The following CDH1 variants were observed in gnomAD, a reference collection of about 807,000 sequenced individuals.
The protein encoded by CDH1 is cadherin 1.
A neutral mutation model predicts 84.5 loss-of-function variants in CDH1; 35 were observed. That is an observed-to-expected ratio of 0.41 (90% CI 0.32 to 0.55). CDH1 has a LOEUF of 0.55. CDH1 is among the 20% of genes least tolerant of loss of function. The pLI, the probability that CDH1 is intolerant of heterozygous loss-of-function variation, is 0.19. For synonymous variants in CDH1, 417 were observed against 439.0 expected, an observed-to-expected ratio of 0.95 and a Z score of 0.63; for missense variants, 994 against 1,126.6, an observed-to-expected ratio of 0.88 and a Z score of 1.68.
chr16:68,751,660 G>A (rs1192165657), intron 2 of CDH1, among the ~76,000 whole-genome samples: 1 of 151,744 alleles, frequency 6.6e-6, no homozygotes, highest in African/African-American at 2.4e-5. Flanking sequence ...GGGCCACCAC[G>A]CCTGGCTAAT....
intron 2 of CDH1, among the ~76,000 whole-genome samples, chr16:68,754,288 G>A (rs902993229): frequency 1.3e-4 from 20 of 151,902 alleles, no homozygotes; most frequent in Non-Finnish European, 1.9e-4. Context: ...GCATGAGCTG[G>A]CAGACCCAGC....
rs1596978752 is a variant in CDH1 at position 68,835,267 on chromosome 16, T to C, written c.*1768T>C. On this transcript the variant is annotated 3_prime_UTR_variant, in exon 16 of 16. Coordinates refer to ENST00000261769, the MANE Select transcript of CDH1 (RefSeq NM_004360.5). ...ACTTTTGACAATCAAAGAAAAGACT[T>C]TTGTTGAAATAGCTTTACTGTTTCT... 2 of 228,414 alleles carry C rather than the reference T, an allele frequency of 8.8e-6. No homozygotes were observed. Among genetic ancestry groups the C allele is most frequent in the East Asian group, 1.2e-4 (2 of 16,022 alleles). 14.1% of individuals were successfully genotyped at this position (228,414 alleles called of 1,614,324 possible).
intron 3 of CDH1, among the ~76,000 whole-genome samples, chr16:68,805,297 G>A (rs1960627499): frequency 6.6e-6 from 1 of 151,958 alleles, no homozygotes; most frequent in South Asian, 2.1e-4. Context: ...TGGGATTATA[G>A]GCGTGAGCCA....
chr16:68,755,983 C>G (rs532202177), intron 2 of CDH1, among the ~76,000 whole-genome samples: 1 of 151,910 alleles, frequency 6.6e-6, no homozygotes, highest in African/African-American at 2.4e-5. Flanking sequence ...AGGCTGGTCT[C>G]CAACTCCTGA....
intron 13 of CDH1, among the ~76,000 whole-genome samples, chr16:68,827,441 A>AT (rs35191298): frequency 3.3e-4 from 49 of 148,630 alleles, no homozygotes; most frequent in South Asian, 1.3e-3. Flanking sequence ...TGCTTTAGAG[A>AT]TTTTTTTTTT....
chr16:68,796,137 CG>C (rs1960354909), intron 2 of CDH1, among the ~76,000 whole-genome samples: 1 of 151,572 alleles, frequency 6.6e-6, no homozygotes, highest in African/African-American at 2.4e-5. Context: ...CACTCCAGCC[CG>C]GGTGACAGTG....
At chr16:68,817,780 A>G (rs756306299) in intron 10 of CDH1, among the ~76,000 whole-genome samples, 3 of 152,228 alleles carry the variant, frequency 2.0e-5, no homozygotes, top group African/African-American at 7.2e-5. Context: ...TGTCAGTGAC[A>G]GAAAAGAAAG....
intron 2 of CDH1, among the ~76,000 whole-genome samples, chr16:68,783,792 T>C (rs1370441700): frequency 6.6e-6 from 1 of 152,130 alleles, no homozygotes; most frequent in African/African-American, 2.4e-5. Context: ...TTCTCAAGCC[T>C]CAGCCTCCCT....
chr16:68,758,883 C>T (rs1351503100), intron 2 of CDH1, among the ~76,000 whole-genome samples: 1 of 151,738 alleles, frequency 6.6e-6, no homozygotes, highest in Non-Finnish European at 1.5e-5. Context: ...GCAACTTCCG[C>T]CTCCCGGGTT....
chr16:68,786,534 C>CTTTTTTTTTTTTTTTTTTTTT lies in CDH1; in HGVS notation c.164-15117_164-15116insTTTTTTTTTTTTTTTTTTTTT, dbSNP rs3074434. On this transcript the variant is annotated intron_variant, in intron 2 of 15. Coordinates refer to ENST00000261769, the MANE Select transcript of CDH1 (RefSeq NM_004360.5). ...CTTTCTGCTTTCTTTTTTTTTTTTT[C>CTTTTTTTTTTTTTTTTTTTTT]TTTTTTTTTTTTTTTTTTTGGTATT... 2.0e-3 allele frequency among the ~76,000 whole-genome samples: 150 copies of CTTTTTTTTTTTTTTTTTTTTT among 73,938 alleles called. 2 individuals carry two copies. The highest frequency in any genetic ancestry group is 2.4e-3 in the African/African-American group (41 of 16,952). The allele number at this position is 73,938 out of a possible 152,430, so 48.5% of individuals were successfully genotyped here. A position where few individuals can be genotyped will look rare whatever the true frequency, so the allele number is the denominator to read the frequency against.
chr16:68,828,077 C>T (rs1961367489), intron 13 of CDH1, 97 bp from the exon 14 acceptor site: 6 of 1,397,404 alleles, frequency 4.3e-6, no homozygotes, highest in Non-Finnish European at 6.1e-6. Context: ...TCTAACTGCC[C>T]CCTGTCTGGT....
chr16:68,794,339 C>T (rs980366514), intron 2 of CDH1, among the ~76,000 whole-genome samples: 26 of 152,150 alleles, frequency 1.7e-4, no homozygotes, highest in Admixed American at 1.6e-3. Context: ...CATACCTGGC[C>T]GTGTCCATTA....
At chr16:68,797,012 A>C (rs1960380310) in intron 2 of CDH1, among the ~76,000 whole-genome samples, 1 of 152,122 alleles carries the variant, frequency 6.6e-6, no homozygotes, top group African/African-American at 2.4e-5. Flanking sequence ...TGAAATACAA[A>C]AAATACAAAA....
At chr16:68,783,843 A>T (rs1211356126) in intron 2 of CDH1, among the ~76,000 whole-genome samples, 3 of 151,870 alleles carry the variant, frequency 2.0e-5, no homozygotes, top group African/African-American at 7.3e-5. Flanking sequence ...CGCCTGGCTA[A>T]TTTTTGTATT....
At chr16:68,822,873 T>C (rs573491596) in intron 12 of CDH1, 2 of 220,924 alleles carry the variant, frequency 9.1e-6, no homozygotes, top group South Asian at 1.5e-4. Context: ...CTGGGTGCGA[T>C]GGAAGTCACT....
At chr16:68,748,861 C>T (rs569284918) in intron 2 of CDH1, among the ~76,000 whole-genome samples, 2 of 152,168 alleles carry the variant, frequency 1.3e-5, no homozygotes, top group East Asian at 1.9e-4. Context: ...TGTTTTGAGA[C>T]GGAGTCTCGC....
chr16:68,813,584 C>A, intron 9 of CDH1, 89 bp downstream of exon 9: 1 of 1,351,138 alleles, frequency 7.4e-7, no homozygotes, highest in Non-Finnish European at 1.1e-6. Context: ...GAAGTAGATT[C>A]GCTTTGGCAG....
intron 2 of CDH1, among the ~76,000 whole-genome samples, chr16:68,747,938 A>G (rs1409622656): frequency 6.6e-6 from 1 of 151,632 alleles, no homozygotes; most frequent in African/African-American, 2.4e-5. Flanking sequence ...TAATTTTTGT[A>G]TTTTTAGTAG....
At chr16:68,785,253 G>A (rs1055796053) in intron 2 of CDH1, among the ~76,000 whole-genome samples, 29 of 151,978 alleles carry the variant, frequency 1.9e-4, no homozygotes, top group Middle Eastern at 3.2e-3. Flanking sequence ...GTACAGTGGC[G>A]CGATCTCGGC....
Sources: allele counts gnomAD v4.1 joint callset (sites outside exome capture counted in the v4.1 genomes callset), GRCh38; gene constraint gnomAD v4.1.1; transcripts MANE v1.5; gene names NCBI Gene and HGNC (gene_info 2026-07-23, HGNC 2026-07-21).